The following ACSS3 variants were observed in gnomAD, a reference collection of about 807,000 sequenced individuals.
The protein encoded by ACSS3 is acyl-CoA synthetase short-chain family member 3, mitochondrial.
A neutral mutation model predicts 84.2 loss-of-function variants in ACSS3; 64 were observed. That is an observed-to-expected ratio of 0.76 (90% CI 0.62 to 0.94). The LOEUF (loss-of-function observed/expected upper bound fraction) is 0.94, where lower values mean the gene tolerates loss of function less well. ACSS3 is among the 40% of genes least tolerant of loss of function. The pLI, the probability that ACSS3 is intolerant of heterozygous loss-of-function variation, is 0.00. For missense variants in ACSS3, 815 were observed against 867.6 expected (o/e 0.94, Z 0.76); for synonymous variants, 317 against 310.1 (o/e 1.02, Z -0.23).
At chr12:81,079,851 G>A (rs982929126) in intron 1 of ACSS3, among the ~76,000 whole-genome samples, 6 of 151,774 alleles carry the variant, frequency 4.0e-5, no homozygotes, top group African/African-American at 1.5e-4. Flanking sequence ...GGAAATAATT[G>A]GAGGCTTAAC....
At chr12:81,180,093 G>A (rs775161530) in intron 8 of ACSS3, among the ~76,000 whole-genome samples, 13 of 152,162 alleles carry the variant, frequency 8.5e-5, no homozygotes, top group Non-Finnish European at 1.6e-4. Flanking sequence ...TATGGATAGA[G>A]GTGTAGACCA....
intron 8 of ACSS3, among the ~76,000 whole-genome samples, chr12:81,179,654 C>T (rs1022487490): frequency 6.6e-6 from 1 of 151,788 alleles, no homozygotes. Flanking sequence ...CCTGTAATCC[C>T]AGCTACTCGG....
rs578033071 is a variant in ACSS3, at chr12:81,118,905, T to TAA, written c.456+9202_456+9203dup. ...GCTACTGAATGGTAGTGTGATAATG[T>TAA]AACAACAAAGCTTTGTGCATTTGTA... On this transcript the variant is annotated intron_variant, in intron 2 of 15. Coordinates refer to ENST00000548058, the MANE Select transcript of ACSS3 (RefSeq NM_024560.4). Among the ~76,000 whole-genome samples the TAA allele has an allele frequency of 3.3e-3, 509 of 152,262 alleles. 5 individuals are homozygous for TAA. The highest frequency in any genetic ancestry group is 5.3e-3 in the Admixed American group (81 of 15,286).
At chr12:81,158,087 G>A (rs768034552) in intron 7 of ACSS3, among the ~76,000 whole-genome samples, 48 of 151,998 alleles carry the variant, frequency 3.2e-4, no homozygotes, top group Non-Finnish European at 3.7e-4. Flanking sequence ...AGGGCATCAC[G>A]AAGGATCCTT....
chr12:81,240,608 C>A (rs1303018552), intron 13 of ACSS3, among the ~76,000 whole-genome samples: 1 of 151,864 alleles, frequency 6.6e-6, no homozygotes, highest in African/African-American at 2.4e-5. Flanking sequence ...GTTGCCCTTA[C>A]TCTTTGTTTC....
At chr12:81,085,382 A>G (rs1881245115) in intron 1 of ACSS3, among the ~76,000 whole-genome samples, 1 of 152,208 alleles carries the variant, frequency 6.6e-6, no homozygotes, top group Non-Finnish European at 1.5e-5. Context: ...AAAAGGGAAA[A>G]GATAATGAAT....
intron 2 of ACSS3, among the ~76,000 whole-genome samples, chr12:81,111,483 G>T (rs1251867380): frequency 6.6e-6 from 1 of 152,176 alleles, no homozygotes; most frequent in Non-Finnish European, 1.5e-5. Context: ...AGTTTCTATA[G>T]CATCTTCACT....
chr12:81,247,610 GT>G (rs1354018761), intron 13 of ACSS3, among the ~76,000 whole-genome samples: 15 of 152,082 alleles, frequency 9.9e-5, no homozygotes, highest in African/African-American at 3.6e-4. Context: ...AAATGACTAA[GT>G]TTTTATTAAG....
rs2030338415 is a variant in ACSS3 at position 81,174,685 on chromosome 12, AC to A, written c.1099-99del. The A allele has an allele frequency of 2.5e-6, 3 of 1,201,040 alleles. No homozygotes were observed. In the Admixed American group the frequency reaches 8.1e-5, roughly 33 times the overall value. 74.4% of individuals were successfully genotyped at this position (1,201,040 alleles called of 1,614,324 possible). ...ATTTTAAAACTAAGATTTGTTGAAA[AC>A]CCCTTATTATTAATATTGTTGTGTT... On this transcript the variant is annotated intron_variant, in intron 7 of 15. Transcript: ENST00000548058.
chr12:81,212,990 C>A (rs942065316), intron 9 of ACSS3, among the ~76,000 whole-genome samples: 1 of 152,138 alleles, frequency 6.6e-6, no homozygotes, highest in Non-Finnish European at 1.5e-5. Context: ...ATTTGCTGAA[C>A]ATTTTGTGTT....
At chr12:81,095,997 A>G (rs1469834839) in intron 1 of ACSS3, among the ~76,000 whole-genome samples, 1 of 152,236 alleles carries the variant, frequency 6.6e-6, no homozygotes, top group African/African-American at 2.4e-5. Context: ...TTCTGTTCCA[A>G]GTAAGCAATT....
At chr12:81,218,407 A>T (rs7314627) in intron 10 of ACSS3, among the ~76,000 whole-genome samples, 101,396 of 152,022 alleles carry the variant, frequency 0.67, 34,269 homozygotes, top group Non-Finnish European at 0.73. Flanking sequence ...CAGAGATTTG[A>T]CTTTTGCTTC....
intron 1 of ACSS3, among the ~76,000 whole-genome samples, chr12:81,080,672 A>T (rs1331817515): frequency 6.6e-6 from 1 of 152,190 alleles, no homozygotes; most frequent in African/African-American, 2.4e-5. Context: ...GGATACCTAA[A>T]TGAAGATAGT....
At chr12:81,082,371 C>A (rs1218562020) in intron 1 of ACSS3, among the ~76,000 whole-genome samples, 3 of 152,116 alleles carry the variant, frequency 2.0e-5, no homozygotes, top group Non-Finnish European at 4.4e-5. Context: ...GCTAGGTAAT[C>A]CAGCCTTTAT....
chr12:81,089,070 T>C (rs1023991318), intron 1 of ACSS3, among the ~76,000 whole-genome samples: 7 of 151,980 alleles, frequency 4.6e-5, no homozygotes, highest in African/African-American at 1.7e-4. Flanking sequence ...ATTTTCTGGC[T>C]TAAGGAAAAT....
chr12:81,239,866 A>G (rs1040432162), intron 13 of ACSS3, among the ~76,000 whole-genome samples: 1 of 152,090 alleles, frequency 6.6e-6, no homozygotes, highest in African/African-American at 2.4e-5. Flanking sequence ...AATAACAGCA[A>G]CAATATGTGT....
Position 81,156,230 on chromosome 12 carries a change from C to T in ACSS3, c.1098+4134C>T, listed in dbSNP as rs148408171. On this transcript the variant is annotated intron_variant, in intron 7 of 15. Coordinates refer to ENST00000548058, the MANE Select transcript of ACSS3 (RefSeq NM_024560.4). ...CACCCCACACACACACACACACACACGTCTCTGGGTGTATATATCTCAAAC... is the reference window on the plus strand; with the variant it reads ...CACCCCACACACACACACACACACATGTCTCTGGGTGTATATATCTCAAAC... Among the ~76,000 whole-genome samples the T allele has an allele frequency of 1.2e-3, 182 of 151,386 alleles. 2 individuals carry two copies. The highest frequency in any genetic ancestry group is 4.3e-3 in the African/African-American group (176 of 41,338).
intron 10 of ACSS3, among the ~76,000 whole-genome samples, chr12:81,217,915 C>T (rs1170666296): frequency 6.6e-6 from 1 of 151,986 alleles, no homozygotes; most frequent in African/African-American, 2.4e-5. Context: ...TTCTTTGATG[C>T]TGGCTTTATG....
At chr12:81,105,514 T>C (rs2121469830) in intron 1 of ACSS3, among the ~76,000 whole-genome samples, 1 of 152,334 alleles carries the variant, frequency 6.6e-6, no homozygotes, top group Admixed American at 6.5e-5. Context: ...GTTTCAGGTA[T>C]GGCTTTCTCC....
Sources: allele counts gnomAD v4.1 joint callset (sites outside exome capture counted in the v4.1 genomes callset), GRCh38; gene constraint gnomAD v4.1.1; transcripts MANE v1.5; gene names NCBI Gene and HGNC (gene_info 2026-07-23, HGNC 2026-07-21).